The following MANEA variants were observed in gnomAD, a reference collection of about 807,000 sequenced individuals.
The protein encoded by MANEA is mannosidase endo-alpha.
In MANEA, 25 loss-of-function variants were observed where a neutral mutation model predicts 36.8. That is an observed-to-expected ratio of 0.68 (90% CI 0.50 to 0.95). The LOEUF is 0.95. Ranked by LOEUF, MANEA falls within the 40% of genes least tolerant of loss-of-function variation. The probability of loss-of-function intolerance (pLI) is 0.00; values close to 1 mark genes in which losing one functional copy is unlikely to be tolerated. For synonymous variants in MANEA, 198 were observed against 188.5 expected (o/e 1.05, Z -0.41); for missense variants, 565 against 558.8 (o/e 1.01, Z -0.11).
intron 2 of MANEA, chr6:95,588,364 G>A (rs998973626): frequency 1.3e-5 from 2 of 152,164 alleles, no homozygotes; most frequent in South Asian, 4.1e-4. Context: ...ATATGTGCAA[G>A]ATGAGTTGTT....
chr6:95,602,133 T>C (rs1322706693), intron 3 of MANEA, among the ~76,000 whole-genome samples: 1 of 152,194 alleles, frequency 6.6e-6, no homozygotes, highest in East Asian at 1.9e-4. Context: ...GTGACAGACT[T>C]AAGAGTTTAA....
chr6:95,598,479 A>G (rs1334097226), intron 3 of MANEA, among the ~76,000 whole-genome samples: 1 of 152,158 alleles, frequency 6.6e-6, no homozygotes, highest in Non-Finnish European at 1.5e-5. Flanking sequence ...GAGACTCTGT[A>G]CTTCTATATA....
chr6:95,594,403 A>C (rs758292998), intron 2 of MANEA, among the ~76,000 whole-genome samples: 1 of 152,186 alleles, frequency 6.6e-6, no homozygotes, highest in Admixed American at 6.5e-5. Context: ...CACAAAAAGA[A>C]ATAGAAGAGT....
intron 1 of MANEA, among the ~76,000 whole-genome samples, chr6:95,581,424 A>G (rs1769180746): frequency 6.6e-6 from 1 of 152,250 alleles, no homozygotes; most frequent in Non-Finnish European, 1.5e-5. Flanking sequence ...AACAGCTTCC[A>G]TAAATGGACA....
intron 4 of MANEA, 146 bp from the exon 5 acceptor site, chr6:95,605,602 T>A (rs9387512): frequency 0.6 from 361,334 of 597,868 alleles, 111,393 homozygotes; most frequent in East Asian, 0.84. Flanking sequence ...GCATTTTTAA[T>A]TATTACACTT....
intron 1 of MANEA, among the ~76,000 whole-genome samples, chr6:95,585,754 T>C (rs1769267828): frequency 6.6e-6 from 1 of 152,232 alleles, no homozygotes; most frequent in African/African-American, 2.4e-5. Flanking sequence ...TTTTATGAAA[T>C]TGTTAGTTAA....
chr6:95,579,937 T>C (rs1769148001), intron 1 of MANEA, among the ~76,000 whole-genome samples: 3 of 152,246 alleles, frequency 2.0e-5, no homozygotes. Context: ...TGGAAAGATA[T>C]ATCTGCAATA....
In MANEA at chr6:95,606,482, A is replaced by C. The variant is rs1769715552; in HGVS notation, c.*77A>C. ...GCTTTCGTTTTGAGTTCTGGAAAGA[A>C]AACTGTCAAAATCAGTATATACTAT... On this transcript the variant is annotated 3_prime_UTR_variant, in exon 5 of 5. Transcript: ENST00000358812. 9.6e-7 allele frequency: 1 copy of C among 1,046,090 alleles called. No homozygotes were observed. Among genetic ancestry groups the C allele is most frequent in the Non-Finnish European group, 1.4e-6 (1 of 738,766 alleles). 64.8% of individuals were successfully genotyped at this position (1,046,090 alleles called of 1,614,324 possible). A position where few individuals can be genotyped will look rare whatever the true frequency, so the allele number is the denominator to read the frequency against.
At chr6:95,583,932 A>G (rs1769232095) in intron 1 of MANEA, among the ~76,000 whole-genome samples, 1 of 152,188 alleles carries the variant, frequency 6.6e-6, no homozygotes, top group Non-Finnish European at 1.5e-5. Flanking sequence ...TACATGTAGA[A>G]TAGTGTTGTG....
In MANEA at chr6:95,586,556, T is replaced by C. The variant is rs1389911980; in HGVS notation, c.117T>C (p.Pro39=). The change falls in exon 2 of 5, where the codon CCT becomes CCC. Residue 39 remains proline, a synonymous_variant. Transcript: ENST00000358812. ...CAAATACAGCTACTTTTGGAGCTCC[T>C]TTTGGACTTGACCTTCTTCCAGAAC... is the stretch of plus-strand genomic sequence containing the variant. ...LRPNTATFGA[P]FGLDLLPELH... is the part of the protein sequence containing the mutation. 3.1e-6 allele frequency: 5 copies of C among 1,614,082 alleles called. No homozygotes were observed. The highest frequency in any genetic ancestry group is 4.2e-6 in the Non-Finnish European group (5 of 1,179,978).
chr6:95,606,028 T>C lies in MANEA; in HGVS notation c.1012T>C (p.Trp338Arg), dbSNP rs201393988. 11 of 1,614,096 alleles carry C rather than the reference T, an allele frequency of 6.8e-6. No individual in the cohort carries two copies. In the African/African-American group the frequency reaches 1.2e-4, roughly 18 times the overall value. ...GFTYGSSHQNWASLKLFCDKY... is the reference protein window; with the variant it reads ...GFTYGSSHQNRASLKLFCDKY... ...TACTTATGGCTCATCACATCAGAAT[T>C]GGGCTAGCCTAAAATTATTTTGTGA... The change falls in exon 5 of 5, where the codon TGG becomes CGG. Residue 338 changes from tryptophan (W) to arginine (R), a missense_variant. Physicochemically the swap from Trp to Arg is moderately radical, Grantham distance 101 (BLOSUM62 -3). Coordinates refer to ENST00000358812, the MANE Select transcript of MANEA (RefSeq NM_024641.4).
intron 3 of MANEA, among the ~76,000 whole-genome samples, chr6:95,597,837 G>A (rs1257683408): frequency 6.6e-6 from 1 of 151,962 alleles, no homozygotes; most frequent in East Asian, 1.9e-4. Context: ...AAAATCAGTA[G>A]TCTGGATAAA....
In MANEA at chr6:95,586,724, A is replaced by G; in HGVS notation, c.285A>G (p.Glu95=). The change falls in exon 2 of 5, where the codon GAA becomes GAG. Residue 95 remains glutamate, a synonymous_variant. Transcript: ENST00000358812. ...PSKASELNLD[E]LPPLNNYLHV... is the part of the protein sequence containing the mutation. ...AAGCCTCTGAACTTAACTTGGATGA[A>G]CTACCACCTCTGAACAATTATCTAC... is the stretch of plus-strand genomic sequence containing the variant. 1 of 1,613,956 alleles carries G rather than the reference A, an allele frequency of 6.2e-7. No individual in the cohort carries two copies.
chr6:95,589,887 C>T (rs1252612033), intron 2 of MANEA: 2 of 152,074 alleles, frequency 1.3e-5, no homozygotes, highest in Non-Finnish European at 2.9e-5. Context: ...CATTATCCTT[C>T]ATTATTTGGG....
Position 95,608,132 on chromosome 6 carries a change from A to C in MANEA, c.*1727A>C, listed in dbSNP as rs1769751304. 1 of 151,898 alleles carries C rather than the reference A, an allele frequency of 6.6e-6. No individual in the cohort carries two copies. The highest frequency in any genetic ancestry group is 2.4e-5 in the African/African-American group (1 of 41,432). 9.4% of individuals were successfully genotyped at this position (151,898 alleles called of 1,614,324 possible). A position where few individuals can be genotyped will look rare whatever the true frequency, so the allele number is the denominator to read the frequency against. On this transcript the variant is annotated 3_prime_UTR_variant, in exon 5 of 5. Transcript: ENST00000358812. ...ATCACTATACTGATATTTTGATACA[A>C]GCAAGCACTTACATGGTAATCACTA...
chr6:95,588,824 TAAATTTTAAATAG>T (rs1769334124), intron 2 of MANEA, among the ~76,000 whole-genome samples: 1 of 151,478 alleles, frequency 6.6e-6, no homozygotes, highest in African/African-American at 2.4e-5. Context: ...GTGGTAAATA[TAAATTTTAAATAG>T]AAATATATGT....
Position 95,587,000 on chromosome 6 carries a change from T to TAC in MANEA, c.544+18_544+19insCA. 7.1e-7 allele frequency: 1 copy of TAC among 1,417,258 alleles called. No individual in the cohort carries two copies. Among genetic ancestry groups the TAC allele is most frequent in the Non-Finnish European group, 9.8e-7 (1 of 1,022,488 alleles). The allele number at this position is 1,417,258 out of a possible 1,614,324, so 87.8% of individuals were successfully genotyped here. A position where few individuals can be genotyped will look rare whatever the true frequency, so the allele number is the denominator to read the frequency against. On this transcript the variant is annotated intron_variant, in intron 2 of 4. Coordinates refer to ENST00000358812, the MANE Select transcript of MANEA (RefSeq NM_024641.4). ...CTTCAATTGGTAATTATTGTATATATATATATGTGTGTTTGTGTCTGTATA... is the reference window on the plus strand; with the variant it reads ...CTTCAATTGGTAATTATTGTATATATACATATATGTGTGTTTGTGTCTGTATA...
Position 95,596,724 on chromosome 6 carries a change from T to A in MANEA, c.545-13T>A, listed in dbSNP as rs781682089. On this transcript the variant is annotated splice_polypyrimidine_tract_variant and intron_variant, in intron 2 of 4. Coordinates refer to ENST00000358812, the MANE Select transcript of MANEA (RefSeq NM_024641.4). ...TCTTGTCTTTTCCCTTTCTTTTTGG[T>A]CTTTTCTATTAGGTGTACTAGCCCT... The A allele has an allele frequency of 7.2e-7, 1 of 1,397,208 alleles. No individual in the cohort carries two copies. The highest frequency in any genetic ancestry group is 1.0e-6 in the Non-Finnish European group (1 of 986,822). 86.6% of individuals were successfully genotyped at this position (1,397,208 alleles called of 1,614,324 possible).
In MANEA at chr6:95,596,801, C is replaced by A. The variant is rs1373028366; in HGVS notation, c.609C>A (p.Asn203Lys). The change falls in exon 3 of 5, where the codon AAC (asparagine) becomes AAA (lysine). Residue 203 changes from asparagine to lysine, a missense_variant. Coordinates refer to ENST00000358812, the MANE Select transcript of MANEA (RefSeq NM_024641.4). ...VNDENGEPTD[N>K]LVPTILDKAH... Reference sequence around the variant, plus strand: ...ATGAAAATGGAGAACCTACTGATAACTTGGTACCCACTATTTTGGATAAAG... The same window carrying A: ...ATGAAAATGGAGAACCTACTGATAAATTGGTACCCACTATTTTGGATAAAG... 6.2e-7 allele frequency: 1 copy of A among 1,606,842 alleles called. No homozygotes were observed. Among genetic ancestry groups the A allele is most frequent in the African/African-American group, 1.3e-5 (1 of 74,722 alleles).
Sources: gnomAD v4.1 joint callset for allele counts (sites outside exome capture counted in the v4.1 genomes callset) on GRCh38, gnomAD v4.1.1 for gene constraint, MANE v1.5 for transcripts, NCBI Gene and HGNC (gene_info 2026-07-23, HGNC 2026-07-21) for gene names.